Variants in LAMA5 observed in about 807,000 individuals in gnomAD.
LAMA5 encodes laminin subunit alpha 5.
LAMA5 carries 260 observed loss-of-function variants against 433.4 expected under a neutral mutation model. That is an observed-to-expected ratio of 0.60 (90% CI 0.54 to 0.66). The LOEUF (loss-of-function observed/expected upper bound fraction) is 0.66, where lower values mean the gene tolerates loss of function less well. LAMA5 is among the 30% of genes least tolerant of loss of function. The probability of loss-of-function intolerance (pLI) is 0.00; values close to 1 mark genes in which losing one functional copy is unlikely to be tolerated. For missense variants in LAMA5, 5,378 were observed against 5,258.5 expected, an observed-to-expected ratio of 1.02 and a Z score of -0.70; for synonymous variants, 2,620 against 2,226.6, an observed-to-expected ratio of 1.18 and a Z score of -4.97.
chr20:62,311,560 A>G (rs760618077), intron 71 of LAMA5, 24 bp from the exon 72 acceptor site: 1 of 1,610,178 alleles, frequency 6.2e-7, no homozygotes, highest in Admixed American at 1.7e-5. Flanking sequence ...GCAGGCGGTC[A>G]GCAGCTGCGG....
intron 11 of LAMA5, among the ~76,000 whole-genome samples, chr20:62,339,623 T>A (rs990393495): frequency 6.7e-6 from 1 of 149,802 alleles, no homozygotes; most frequent in South Asian, 2.1e-4. Context: ...TTCAGTTTTG[T>A]TACTGATAGA....
rs1423413491 is a variant in LAMA5 at position 62,351,753 on chromosome 20, G to A, written c.907C>T (p.His303Tyr). 1 of 1,611,918 alleles carries A rather than the reference G, an allele frequency of 6.2e-7. No individual in the cohort carries two copies. The highest frequency in any genetic ancestry group is 2.2e-5 in the East Asian group (1 of 44,862). The change falls in exon 6 of 80, where the codon CAC becomes TAC. Residue 303 changes from histidine to tyrosine, a missense_variant. By Grantham distance (83) the His-to-Tyr change is moderately conservative. Transcript: ENST00000252999. Reference sequence around the variant, plus strand: ...GCATCGCAGGCATCCGCGTGGCCGTGGCAGACACAGCGGCCTCCGATGCTG... The same window carrying A: ...GCATCGCAGGCATCCGCGTGGCCGTAGCAGACACAGCGGCCTCCGATGCTG... Reference protein sequence around the residue: ...DISIGGRCVCHGHADACDAKD... With the variant: ...DISIGGRCVCYGHADACDAKD...
chr20:62,361,217 A>C (rs1288602554), intron 2 of LAMA5, among the ~76,000 whole-genome samples: 1 of 152,158 alleles, frequency 6.6e-6, no homozygotes, highest in African/African-American at 2.4e-5. Flanking sequence ...AAACCCAGTG[A>C]GATGAAGGTA....
intron 43 of LAMA5, 41 bp from the exon 44 acceptor site, chr20:62,323,897 T>A: frequency 6.4e-7 from 1 of 1,559,386 alleles, no homozygotes; most frequent in Non-Finnish European, 8.7e-7. Flanking sequence ...CCCCTGGCAG[T>A]GCCCGGGCCC....
chr20:62,355,766 C>A (rs1235779952), intron 2 of LAMA5, among the ~76,000 whole-genome samples: 2 of 152,148 alleles, frequency 1.3e-5, no homozygotes, highest in Non-Finnish European at 2.9e-5. Flanking sequence ...GTGGGCCTGA[C>A]CACAAGCATT....
chr20:62,332,489 G>C lies in LAMA5; in HGVS notation c.3444-9C>G. ...TGCCCCGGCACAGGGTGCTGTGGGGGGAGGGTGGTCAGCAGGTGGGGCAGC... is the reference window on the plus strand; with the variant it reads ...TGCCCCGGCACAGGGTGCTGTGGGGCGAGGGTGGTCAGCAGGTGGGGCAGC... On this transcript the variant is annotated splice_polypyrimidine_tract_variant and intron_variant, in intron 27 of 79. Coordinates refer to ENST00000252999, the MANE Select transcript of LAMA5 (RefSeq NM_005560.6). The C allele has an allele frequency of 6.2e-7, 1 of 1,611,450 alleles. No homozygotes were observed. The highest frequency in any genetic ancestry group is 8.5e-7 in the Non-Finnish European group (1 of 1,179,094).
intron 6 of LAMA5, 39 bp downstream of exon 6, chr20:62,351,665 G>A: frequency 1.9e-6 from 3 of 1,583,536 alleles, no homozygotes; most frequent in South Asian, 1.1e-5. Context: ...GCTGGGGGGG[G>A]CCTCACCTGA....
At chr20:62,335,194 C>T in intron 19 of LAMA5, 23 bp downstream of exon 19, 2 of 1,612,804 alleles carry the variant, frequency 1.2e-6, no homozygotes, top group East Asian at 2.2e-5. Context: ...CCAAATCCCC[C>T]ACACCTTGGT....
intron 18 of LAMA5, among the ~76,000 whole-genome samples, chr20:62,335,745 C>T (rs1405982314): frequency 2.7e-5 from 4 of 147,830 alleles, no homozygotes; most frequent in East Asian, 4.1e-4. Flanking sequence ...GAGGAAACCC[C>T]GTACCCCAAC....
intron 31 of LAMA5, among the ~76,000 whole-genome samples, 165 bp from the exon 32 acceptor site, chr20:62,330,081 C>T (rs1446012527): frequency 2.0e-5 from 3 of 152,354 alleles, no homozygotes; most frequent in South Asian, 2.1e-4. Context: ...CCTCATGTCA[C>T]GGGGGTTGGC....
chr20:62,348,240 C>A, intron 6 of LAMA5, among the ~76,000 whole-genome samples: 1 of 152,074 alleles, frequency 6.6e-6, no homozygotes, highest in East Asian at 1.9e-4. Context: ...GCAGAAAGAG[C>A]CCCAAGAACC....
rs150860855 is a variant in LAMA5, at chr20:62,310,945, C to G, written c.10238G>C (p.Arg3413Pro). 1.2e-6 allele frequency: 2 copies of G among 1,611,042 alleles called. No homozygotes were observed. The highest frequency in any genetic ancestry group is 1.3e-5 in the African/African-American group (1 of 74,906). ...CCGGGAGCGCTGGCGGCTCTGGGCG[C>G]GGAGCCGAGTCCCGAGGCCTTCCAT... ...AQMEGLGTRL[R>P]AQSRQRSRPG... The change falls in exon 74 of 80, where the codon CGC (arginine) becomes CCC (proline). Residue 3413 changes from arginine (R) to proline (P), a missense_variant. Transcript: ENST00000252999.
At chr20:62,352,396 A>T in intron 3 of LAMA5, 36 bp from the exon 4 acceptor site, 3 of 1,543,310 alleles carry the variant, frequency 1.9e-6, no homozygotes, top group Non-Finnish European at 2.6e-6. Flanking sequence ...GCGCTGGATC[A>T]CCAGAAAAGC....
In LAMA5 at chr20:62,312,198, G is replaced by A; in HGVS notation, c.9479C>T (p.Ala3160Val). The A allele has an allele frequency of 6.2e-7, 1 of 1,610,628 alleles. No homozygotes were observed. The highest frequency in any genetic ancestry group is 1.1e-5 in the South Asian group (1 of 90,802). Reference sequence around the variant, plus strand: ...CGGGGACGCCCGGTAGTAGAGCAGGGCACTGTCCTGGGCGCTGTGGAAGCC... The same window carrying A: ...CGGGGACGCCCGGTAGTAGAGCAGGACACTGTCCTGGGCGCTGTGGAAGCC... ...GFGFHSAQDS[A>V]LLYYRASPDG... The change falls in exon 69 of 80, where the codon GCC becomes GTC. Residue 3160 changes from alanine (A) to valine (V), a missense_variant. Transcript: ENST00000252999.
chr20:62,366,904 C>A, intron 1 of LAMA5, 45 bp downstream of exon 1: 2 of 1,230,782 alleles, frequency 1.6e-6, no homozygotes, highest in South Asian at 4.0e-5. Context: ...TGTTCCGGGT[C>A]CGAGTGCCCC....
In LAMA5 at chr20:62,330,540, G is replaced by A. The variant is rs1477522453; in HGVS notation, c.3927C>T (p.Ala1309=). 2 of 1,582,364 alleles carry A rather than the reference G, an allele frequency of 1.3e-6. No homozygotes were observed. Among genetic ancestry groups the A allele is most frequent in the Non-Finnish European group, 1.7e-6 (2 of 1,165,534 alleles). The stretch of plus-strand genomic sequence containing the variant: ...GGACTTCCACGGGGAAGGTGGGGTG[G>A]GCTGGCTGGTAGCCGTGCAGCAGGA... ...YAFLLHGYQP[A]HPTFPVEVLI... The change falls in exon 31 of 80, where the codon GCC becomes GCT. Residue 1309 remains alanine, a synonymous_variant. Transcript: ENST00000252999.
intron 41 of LAMA5, 110 bp downstream of exon 41, chr20:62,325,206 G>A (rs1266484348): frequency 2.8e-6 from 2 of 709,276 alleles, no homozygotes; most frequent in South Asian, 2.0e-5. Flanking sequence ...AGAGAGGTGA[G>A]TAGGGTGACA....
chr20:62,340,972 G>T (rs1290225493), intron 11 of LAMA5, among the ~76,000 whole-genome samples: 3 of 151,962 alleles, frequency 2.0e-5, no homozygotes. Flanking sequence ...CTAGGAGGTG[G>T]TGGTTGCAGT....
chr20:62,309,276 C>A lies in LAMA5; in HGVS notation c.*60G>T. On this transcript the variant is annotated 3_prime_UTR_variant, in exon 80 of 80. Coordinates refer to ENST00000252999, the MANE Select transcript of LAMA5 (RefSeq NM_005560.6). ...TCCAAATAGACACCTATGAGGCGAG[C>A]ACAAGGGGCGGTGTGAGGCAGCTGC... The A allele has an allele frequency of 1.3e-6, 2 of 1,548,080 alleles. No homozygotes were observed. Among genetic ancestry groups the A allele is most frequent in the Non-Finnish European group, 1.7e-6 (2 of 1,146,730 alleles).
Sources: allele counts gnomAD v4.1 joint callset (sites outside exome capture counted in the v4.1 genomes callset), GRCh38; gene constraint gnomAD v4.1.1; transcripts MANE v1.5; gene names NCBI Gene and HGNC (gene_info 2026-07-23, HGNC 2026-07-21).